Variants in CNTNAP2 observed in about 807,000 individuals in gnomAD.
The protein encoded by CNTNAP2 is contactin associated protein 2, also known as contactin-associated protein-like 2.
A neutral mutation model predicts 155.2 loss-of-function variants in CNTNAP2; 98 were observed. That is an observed-to-expected ratio of 0.63 (90% CI 0.54 to 0.75). CNTNAP2 has a LOEUF of 0.75. Among genes scored for constraint, CNTNAP2 ranks in the 30% least tolerant of loss-of-function variants. CNTNAP2 has a pLI of 0.00. For synonymous variants in CNTNAP2, 651 were observed against 631.2 expected, an observed-to-expected ratio of 1.03 and a Z score of -0.47; for missense variants, 1,727 against 1,688.1, an observed-to-expected ratio of 1.02 and a Z score of -0.40.
intron 1 of CNTNAP2, among the ~76,000 whole-genome samples, chr7:146,771,040 A>C (rs2129185345): frequency 6.6e-6 from 1 of 152,164 alleles, no homozygotes; most frequent in East Asian, 1.9e-4. Context: ...TTTCTACTCA[A>C]ATGCTACCTG....
intron 21 of CNTNAP2, among the ~76,000 whole-genome samples, chr7:148,324,794 C>CA (rs72157861): frequency 1.9e-5 from 2 of 105,820 alleles, no homozygotes; most frequent in African/African-American, 3.7e-5. Flanking sequence ...GACTCCATCT[C>CA]AAAAAAAAAA....
At chr7:147,946,752 AT>A (rs1412231683) in intron 14 of CNTNAP2, among the ~76,000 whole-genome samples, 1 of 152,120 alleles carries the variant, frequency 6.6e-6, no homozygotes, top group Non-Finnish European at 1.5e-5. Flanking sequence ...GGGTCTCTAG[AT>A]TTACAAAGAA....
intron 1 of CNTNAP2, among the ~76,000 whole-genome samples, chr7:146,729,628 T>C (rs752826755): frequency 7.9e-5 from 12 of 152,086 alleles, no homozygotes; most frequent in Non-Finnish European, 1.3e-4. Context: ...TAGATATAGA[T>C]ATAGATATAA....
At chr7:146,368,845 T>C (rs907578865) in intron 1 of CNTNAP2, among the ~76,000 whole-genome samples, 1 of 115,736 alleles carries the variant, frequency 8.6e-6, no homozygotes, top group African/African-American at 4.2e-5. Context: ...GAGAAAATTA[T>C]ATACATATAT....
chr7:147,360,998 T>C (rs1796139041), intron 9 of CNTNAP2, among the ~76,000 whole-genome samples: 1 of 152,142 alleles, frequency 6.6e-6, no homozygotes, highest in Non-Finnish European at 1.5e-5. Context: ...AAAGGTTATA[T>C]TATACCAATG....
At chr7:147,728,807 A>C (rs999284091) in intron 13 of CNTNAP2, among the ~76,000 whole-genome samples, 10 of 151,890 alleles carry the variant, frequency 6.6e-5, no homozygotes, top group African/African-American at 2.4e-4. Flanking sequence ...AACTGATATT[A>C]TGGGCCTAGA....
intron 4 of CNTNAP2, among the ~76,000 whole-genome samples, chr7:147,104,081 T>A (rs183993438): frequency 2.1e-4 from 32 of 152,204 alleles, no homozygotes; most frequent in African/African-American, 7.5e-4. Flanking sequence ...TGAATGCCAC[T>A]TAAGTTAGTA....
chr7:146,514,926 A>T (rs1797518712), intron 1 of CNTNAP2, among the ~76,000 whole-genome samples: 2 of 152,012 alleles, frequency 1.3e-5, no homozygotes, highest in South Asian at 4.1e-4. Context: ...TCTTATTAGC[A>T]TTACATGTCA....
chr7:146,142,020 A>C (rs1797887948), intron 1 of CNTNAP2, among the ~76,000 whole-genome samples: 1 of 152,250 alleles, frequency 6.6e-6, no homozygotes, highest in Non-Finnish European at 1.5e-5. Context: ...GTTTTTTCTT[A>C]ACTTTGCCCA....
At chr7:147,205,434 T>C (rs1170617495) in intron 8 of CNTNAP2, among the ~76,000 whole-genome samples, 2 of 152,208 alleles carry the variant, frequency 1.3e-5, no homozygotes, top group Non-Finnish European at 2.9e-5. Flanking sequence ...GCATTAGATC[T>C]GTAGATTGCT....
At chr7:148,005,810 C>T (rs187539108) in intron 15 of CNTNAP2, among the ~76,000 whole-genome samples, 59 of 152,228 alleles carry the variant, frequency 3.9e-4, no homozygotes, top group Non-Finnish European at 6.6e-4. Flanking sequence ...TGGTCCAGCA[C>T]GATTTGGAAG....
At chr7:146,236,752 T>C (rs1414902199) in intron 1 of CNTNAP2, among the ~76,000 whole-genome samples, 2 of 152,148 alleles carry the variant, frequency 1.3e-5, no homozygotes, top group East Asian at 3.9e-4. Flanking sequence ...TATCTATATA[T>C]CAAATTCCAT....
intron 14 of CNTNAP2, among the ~76,000 whole-genome samples, chr7:147,916,115 C>G (rs549290790): frequency 6.6e-6 from 1 of 152,202 alleles, no homozygotes; most frequent in Non-Finnish European, 1.5e-5. Context: ...CAGGCAGGTT[C>G]CAGATAGCTC....
intron 3 of CNTNAP2, among the ~76,000 whole-genome samples, chr7:146,941,523 C>T (rs888331969): frequency 7.2e-5 from 11 of 152,090 alleles, no homozygotes; most frequent in African/African-American, 2.7e-4. Context: ...ACATGATTTA[C>T]ACACCGCCAT....
At chr7:146,571,787 A>AAACTG (rs1584986997) in intron 1 of CNTNAP2, among the ~76,000 whole-genome samples, 1 of 149,090 alleles carries the variant, frequency 6.7e-6, no homozygotes, top group East Asian at 2.0e-4. Flanking sequence ...GCTGGAATGC[A>AAACTG]GTGGCATGAC....
At chr7:146,286,665 G>A (rs1268502526) in intron 1 of CNTNAP2, among the ~76,000 whole-genome samples, 2 of 152,058 alleles carry the variant, frequency 1.3e-5, no homozygotes, top group Admixed American at 6.5e-5. Context: ...AACTTCTAGG[G>A]CCTTCCTTGT....
In CNTNAP2 at chr7:147,572,302, TA is replaced by T. The variant is rs1326970791; in HGVS notation, c.1897+10057del. 7.0e-3 allele frequency among the ~76,000 whole-genome samples: 1,028 copies of T among 145,816 alleles called. 12 individuals are homozygous for T. Among genetic ancestry groups the T allele is most frequent in the African/African-American group, 0.023 (934 of 39,826 alleles). On this transcript the variant is annotated intron_variant, in intron 12 of 23. Coordinates refer to ENST00000361727, the MANE Select transcript of CNTNAP2 (RefSeq NM_014141.6). ...CTCAAATGGTTTTCAAACTTCAAAT[TA>T]AAAAAAAAAAAGAGAGGAAAACCAT... is the stretch of plus-strand genomic sequence containing the variant.
At chr7:146,819,519 C>CACGTCCCAT (rs1174309283) in intron 2 of CNTNAP2, among the ~76,000 whole-genome samples, 1 of 152,100 alleles carries the variant, frequency 6.6e-6, no homozygotes, top group African/African-American at 2.4e-5. Flanking sequence ...TAGACATTGG[C>CACGTCCCAT]ACGTCCCATC....
chr7:147,378,936 G>C (rs1270993768), intron 9 of CNTNAP2, among the ~76,000 whole-genome samples: 1 of 151,856 alleles, frequency 6.6e-6, no homozygotes, highest in Non-Finnish European at 1.5e-5. Flanking sequence ...CCTACATGTC[G>C]TGGGAGGGAC....
Sources: allele counts gnomAD v4.1 joint callset (sites outside exome capture counted in the v4.1 genomes callset), GRCh38; gene constraint gnomAD v4.1.1; transcripts MANE v1.5; gene names NCBI Gene and HGNC (gene_info 2026-07-23, HGNC 2026-07-21).